The following C12orf42 variants were observed in gnomAD, a reference collection of about 807,000 sequenced individuals.
C12orf42 encodes the protein uncharacterized protein C12orf42.
C12orf42 carries 25 observed loss-of-function variants against 21.6 expected under a neutral mutation model. The observed-to-expected ratio is 1.16, with a 90% confidence interval of 0.84 to 1.62. The LOEUF (loss-of-function observed/expected upper bound fraction) is 1.62. Among genes scored for constraint, C12orf42 ranks in the 40% most tolerant of loss-of-function variants. The probability of loss-of-function intolerance (pLI) is 0.00; values close to 1 mark genes in which losing one functional copy is unlikely to be tolerated. For missense variants in C12orf42, 483 were observed against 459.3 expected (o/e 1.05, Z -0.47); for synonymous variants, 174 against 175.0 (o/e 0.99, Z 0.05).
At chr12:103,136,118 C>T in the C12orf42 span, among the ~76,000 whole-genome samples, 1 of 152,106 alleles carries the variant, frequency 6.6e-6, no homozygotes, top group Admixed American at 6.5e-5. Flanking sequence ...TTCCTCTTTG[C>T]AGTGAACATA....
intron 3 of C12orf42, among the ~76,000 whole-genome samples, chr12:103,384,027 G>A (rs934377697): frequency 6.6e-6 from 1 of 152,154 alleles, no homozygotes; most frequent in African/African-American, 2.4e-5. Flanking sequence ...GGGATGCAGT[G>A]GGTAGATTTT....
chr12:103,097,629 A>T, the C12orf42 span, among the ~76,000 whole-genome samples: 1,800 of 152,304 alleles, frequency 0.012, 40 homozygotes, highest in African/African-American at 0.041. Context: ...TCTCATTTTG[A>T]TGATACAGAC....
At chr12:103,334,531 C>T (rs184379380) in intron 4 of C12orf42, among the ~76,000 whole-genome samples, 1 of 152,060 alleles carries the variant, frequency 6.6e-6, no homozygotes, top group Non-Finnish European at 1.5e-5. Flanking sequence ...TAAAAGAAGG[C>T]AGGGAAATCC....
rs192226658 is a variant in C12orf42, at chr12:103,261,651, A to T, written c.*1366+1675T>A. ...ATTTAATTTGTTTAATTACATTTTT[A>T]AAAAATATTTAACTTAATTATATAT... On this transcript the variant is annotated intron_variant and NMD_transcript_variant, in intron 10 of 10. Transcript: ENST00000547347. Among the ~76,000 whole-genome samples, 873 of 152,110 alleles carry T rather than the reference A, an allele frequency of 5.7e-3. 5 individuals carry two copies. Among genetic ancestry groups the T allele is most frequent in the Non-Finnish European group, 8.7e-3 (591 of 67,990 alleles).
the C12orf42 span, among the ~76,000 whole-genome samples, chr12:103,533,787 C>A: frequency 6.6e-6 from 1 of 152,158 alleles, no homozygotes; most frequent in Admixed American, 6.5e-5. Context: ...GGTTTATATG[C>A]TATTCTCCTT....
chr12:103,491,553 T>A (rs1195275039), intron 1 of C12orf42, among the ~76,000 whole-genome samples: 1 of 152,248 alleles, frequency 6.6e-6, no homozygotes, highest in Admixed American at 6.5e-5. Context: ...TACACTCTAT[T>A]GTTATCTGGC....
chr12:103,461,865 T>C (rs536504304), intron 2 of C12orf42, among the ~76,000 whole-genome samples: 1 of 152,198 alleles, frequency 6.6e-6, no homozygotes, highest in East Asian at 1.9e-4. Context: ...CTTAAGGATC[T>C]GAAGAAGAAA....
chr12:103,121,054 G>A, the C12orf42 span, among the ~76,000 whole-genome samples: 1 of 152,136 alleles, frequency 6.6e-6, no homozygotes, highest in Non-Finnish European at 1.5e-5. Context: ...CAGTTAAAGT[G>A]ATAGAAATGT....
At chr12:103,135,667 T>A in the C12orf42 span, among the ~76,000 whole-genome samples, 2 of 152,120 alleles carry the variant, frequency 1.3e-5, no homozygotes. Context: ...AACAAAATAC[T>A]AGCAAACTGA....
At chr12:103,142,740 T>C in the C12orf42 span, among the ~76,000 whole-genome samples, 1 of 152,224 alleles carries the variant, frequency 6.6e-6, no homozygotes, top group Admixed American at 6.5e-5. Context: ...AATTTCTCTA[T>C]ATGTCTCAAA....
At chr12:103,255,377 CA>C (rs1451832171) in intron 10 of C12orf42, among the ~76,000 whole-genome samples, 1 of 151,750 alleles carries the variant, frequency 6.6e-6, no homozygotes, top group Admixed American at 6.6e-5. Flanking sequence ...TCTCAACAAA[CA>C]AAAACAAAAA....
intron 3 of C12orf42, among the ~76,000 whole-genome samples, chr12:103,369,898 T>C (rs761561929): frequency 1.3e-5 from 2 of 151,828 alleles, no homozygotes; most frequent in Non-Finnish European, 2.9e-5. Flanking sequence ...TTAAACTAAA[T>C]AGCTTCTACA....
chr12:103,231,505 A>G, the C12orf42 span, among the ~76,000 whole-genome samples: 1 of 152,212 alleles, frequency 6.6e-6, no homozygotes, highest in East Asian at 1.9e-4. Context: ...ATTGCTGTCT[A>G]TGAAAACTTC....
chr12:103,056,655 T>C, the C12orf42 span, among the ~76,000 whole-genome samples: 1 of 152,158 alleles, frequency 6.6e-6, no homozygotes, highest in South Asian at 2.1e-4. Flanking sequence ...TTGTTTATCC[T>C]GTCTGTTCTG....
At chr12:103,334,041 A>C (rs766129743) in intron 4 of C12orf42, among the ~76,000 whole-genome samples, 6 of 152,232 alleles carry the variant, frequency 3.9e-5, no homozygotes, top group Non-Finnish European at 7.3e-5. Context: ...CTGTACTTTT[A>C]TGCATATGAA....
chr12:103,098,688 A>G, the C12orf42 span, among the ~76,000 whole-genome samples: 4 of 152,336 alleles, frequency 2.6e-5, no homozygotes, highest in Non-Finnish European at 5.9e-5. Flanking sequence ...ATGCTGCCTA[A>G]GAGAGGCACC....
chr12:103,294,588 GAAA>G lies in C12orf42; in HGVS notation n.338-17381_338-17379del, dbSNP rs1566025907. ...AAAAGAAAGGAAGGAAGGAAGGAAA[GAAA>G]GAAAGAAAGAAAGAAAGAAAGAAAG... On this transcript the variant is annotated intron_variant and non_coding_transcript_variant, in intron 4 of 6. Coordinates refer to the C12orf42 transcript ENST00000546526. 1.0e-2 allele frequency among the ~76,000 whole-genome samples: 716 copies of G among 71,916 alleles called. 2 individuals carry two copies. The highest frequency in any genetic ancestry group is 0.03 in the East Asian group (58 of 1,904). The allele number at this position is 71,916 out of a possible 152,430, so 47.2% of individuals were successfully genotyped here. A position where few individuals can be genotyped will look rare whatever the true frequency, so the allele number is the denominator to read the frequency against.
At chr12:103,186,430 T>C in the C12orf42 span, among the ~76,000 whole-genome samples, 1 of 152,200 alleles carries the variant, frequency 6.6e-6, no homozygotes, top group Non-Finnish European at 1.5e-5. Flanking sequence ...TTCTTGCCTT[T>C]CATCCACGCA....
At chr12:103,358,726 TC>T (rs2137635415) in intron 4 of C12orf42, among the ~76,000 whole-genome samples, 1 of 152,238 alleles carries the variant, frequency 6.6e-6, no homozygotes, top group South Asian at 2.1e-4. Flanking sequence ...ATTGTCTCCA[TC>T]CTTCACCCAC....
Sources: gnomAD v4.1 joint callset for allele counts (sites outside exome capture counted in the v4.1 genomes callset) on GRCh38, gnomAD v4.1.1 for gene constraint, MANE v1.5 for transcripts, NCBI Gene and HGNC (gene_info 2026-07-23, HGNC 2026-07-21) for gene names.